The following SLC44A5 variants were observed in gnomAD, a reference collection of about 807,000 sequenced individuals.
The protein encoded by SLC44A5 is solute carrier family 44 member 5, also known as choline transporter-like protein 5.
A neutral mutation model predicts 101.8 loss-of-function variants in SLC44A5; 57 were observed. The observed-to-expected ratio is 0.56, with a 90% confidence interval of 0.45 to 0.70. The LOEUF (loss-of-function observed/expected upper bound fraction) is 0.70, where lower values mean the gene tolerates loss of function less well. Ranked by LOEUF, SLC44A5 falls within the 30% of genes least tolerant of loss-of-function variation. The pLI is 0.00. For synonymous variants in SLC44A5, 281 were observed against 290.9 expected (o/e 0.97, Z 0.35); for missense variants, 737 against 853.1 (o/e 0.86, Z 1.70).
chr1:75,721,445 G>A, the SLC44A5 span, among the ~76,000 whole-genome samples: 1 of 152,184 alleles, frequency 6.6e-6, no homozygotes, highest in Non-Finnish European at 1.5e-5. Context: ...TAACATTAGT[G>A]TTAGTGTATT....
At chr1:75,670,678 G>C in the SLC44A5 span, among the ~76,000 whole-genome samples, 1 of 152,164 alleles carries the variant, frequency 6.6e-6, no homozygotes, top group South Asian at 2.1e-4. Flanking sequence ...TGGGGAAGAA[G>C]AAGAGTGTGC....
intron 2 of SLC44A5, among the ~76,000 whole-genome samples, chr1:75,454,107 A>G (rs762417758): frequency 6.6e-6 from 1 of 151,976 alleles, no homozygotes; most frequent in Non-Finnish European, 1.5e-5. Context: ...AAAGAAAACT[A>G]TAGGCCAATA....
the SLC44A5 span, among the ~76,000 whole-genome samples, chr1:75,692,715 G>A: frequency 3.3e-5 from 5 of 152,140 alleles, no homozygotes; most frequent in African/African-American, 1.2e-4. Context: ...TGGGAAAAAC[G>A]AGAGAAGGGA....
intron 5 of SLC44A5, among the ~76,000 whole-genome samples, chr1:75,283,581 T>C (rs566219069): frequency 1.3e-5 from 2 of 152,206 alleles, no homozygotes; most frequent in African/African-American, 4.8e-5. Context: ...TAAGCCAATG[T>C]CCAGAAGAGT....
chr1:75,473,216 G>C (rs1019568318), intron 2 of SLC44A5, among the ~76,000 whole-genome samples: 1 of 152,160 alleles, frequency 6.6e-6, no homozygotes, highest in Admixed American at 6.5e-5. Context: ...GCCTACATGG[G>C]AGTTCCAGAG....
chr1:75,238,718 A>C, intron 9 of SLC44A5, 82 bp from the exon 10 acceptor site: 1 of 917,310 alleles, frequency 1.1e-6, no homozygotes, highest in Non-Finnish European at 1.5e-6. Context: ...GCTTTCTGTT[A>C]TATATAATCA....
At chr1:75,331,544 C>T (rs1161027818) in intron 4 of SLC44A5, among the ~76,000 whole-genome samples, 1 of 152,196 alleles carries the variant, frequency 6.6e-6, no homozygotes. Context: ...GCAAAAGCTT[C>T]CTGTGAATCT....
intron 10 of SLC44A5, among the ~76,000 whole-genome samples, chr1:75,237,760 G>A (rs1648229556): frequency 6.6e-6 from 1 of 151,976 alleles, no homozygotes; most frequent in African/African-American, 2.4e-5. Context: ...CTTTTACACA[G>A]ATTTATATTT....
At chr1:75,427,218 C>A (rs888499950) in intron 2 of SLC44A5, among the ~76,000 whole-genome samples, 1 of 152,204 alleles carries the variant, frequency 6.6e-6, no homozygotes, top group African/African-American at 2.4e-5. Flanking sequence ...CTCATTATTT[C>A]TCATCATTAA....
intron 18 of SLC44A5, among the ~76,000 whole-genome samples, chr1:75,216,083 C>T (rs1379600003): frequency 6.6e-6 from 1 of 151,924 alleles, no homozygotes; most frequent in Non-Finnish European, 1.5e-5. Flanking sequence ...ACTTTAAAAT[C>T]TCAAACACAA....
At chr1:75,315,712 T>C (rs1396264567) in intron 4 of SLC44A5, among the ~76,000 whole-genome samples, 2 of 152,174 alleles carry the variant, frequency 1.3e-5, no homozygotes, top group South Asian at 4.1e-4. Context: ...AACCCTAACC[T>C]TTCTCCTGAG....
chr1:75,582,342 C>A, intron 1 of SLC44A5: 1 of 1,258,560 alleles, frequency 7.9e-7, no homozygotes, highest in Non-Finnish European at 1.1e-6. Context: ...GAAGTTAAGC[C>A]CAAGATCCCA....
chr1:75,657,431 C>T, the SLC44A5 span, among the ~76,000 whole-genome samples: 3 of 151,828 alleles, frequency 2.0e-5, no homozygotes, highest in East Asian at 1.9e-4. Flanking sequence ...TGTCTGTAGA[C>T]CCAGCTACTA....
chr1:75,424,864 G>A (rs1215751845), intron 2 of SLC44A5, among the ~76,000 whole-genome samples: 2 of 152,098 alleles, frequency 1.3e-5, no homozygotes, highest in Non-Finnish European at 2.9e-5. Context: ...AATTTAGTGA[G>A]CCAACTGTAT....
At chr1:75,558,452 C>A (rs190024) in intron 1 of SLC44A5, among the ~76,000 whole-genome samples, 119,611 of 151,986 alleles carry the variant, frequency 0.79, 47,347 homozygotes, top group East Asian at 0.95. Context: ...AGTATTCAAG[C>A]ACAGTTCACT....
the SLC44A5 span, among the ~76,000 whole-genome samples, chr1:75,679,203 G>T: frequency 6.6e-6 from 1 of 152,170 alleles, no homozygotes; most frequent in Non-Finnish European, 1.5e-5. Context: ...ATATTATCCA[G>T]GAGAATTTCC....
intron 4 of SLC44A5, among the ~76,000 whole-genome samples, chr1:75,338,781 G>C (rs973585255): frequency 2.0e-5 from 3 of 152,132 alleles, no homozygotes; most frequent in Non-Finnish European, 2.9e-5. Flanking sequence ...AACAGTAAAT[G>C]CTAACGTACA....
chr1:75,694,843 GT>G, the SLC44A5 span, among the ~76,000 whole-genome samples: 2 of 152,240 alleles, frequency 1.3e-5, no homozygotes, highest in Admixed American at 1.3e-4. Context: ...ATCATTCTAA[GT>G]CGTTCAAAAT....
chr1:75,383,837 A>G (rs560718248), intron 3 of SLC44A5, among the ~76,000 whole-genome samples: 15 of 152,326 alleles, frequency 9.8e-5, no homozygotes, highest in Admixed American at 2.0e-4. Context: ...AGGGAAGCCC[A>G]TCAGACTAAC....
Sources: allele counts gnomAD v4.1 joint callset (sites outside exome capture counted in the v4.1 genomes callset), GRCh38; gene constraint gnomAD v4.1.1; transcripts MANE v1.5; gene names NCBI Gene and HGNC (gene_info 2026-07-23, HGNC 2026-07-21).